The following HECW2 variants were observed in gnomAD, a reference collection of about 807,000 sequenced individuals.
The protein encoded by HECW2 is HECT, C2 and WW domain containing E3 ubiquitin protein ligase 2.
Under a neutral mutation model 175.2 loss-of-function variants are expected in HECW2, and 61 were observed. The observed-to-expected ratio is 0.35, with a 90% CI of 0.28 to 0.43. The LOEUF (loss-of-function observed/expected upper bound fraction) is 0.43. HECW2 is among the 20% of genes least tolerant of loss of function. The pLI, the probability that HECW2 is intolerant of heterozygous loss-of-function variation, is 1.00. For missense variants in HECW2, 1,524 were observed against 2,000.5 expected (o/e 0.76, Z 4.54); for synonymous variants, 671 against 731.0 (o/e 0.92, Z 1.32).
At chr2:196,279,234 G>A (rs1205633426) in intron 14 of HECW2, among the ~76,000 whole-genome samples, 1 of 152,112 alleles carries the variant, frequency 6.6e-6, no homozygotes, top group Non-Finnish European at 1.5e-5. Flanking sequence ...GTATTTAGTA[G>A]AGACGGGGTT....
In HECW2 at chr2:196,374,869, A is replaced by C. The variant is rs1379988156; in HGVS notation, c.293-31105T>G. 2.6e-5 allele frequency among the ~76,000 whole-genome samples: 4 copies of C among 151,994 alleles called. No individual in the cohort carries two copies. The East Asian group carries it at 7.7e-4, about 29-fold the overall frequency. Reference sequence around the variant, plus strand: ...AAAAAAGAAGCAAAGACGGCACATGAAAACTAGTTTTGGCCGGGCGCAGTG... The same window carrying C: ...AAAAAAGAAGCAAAGACGGCACATGCAAACTAGTTTTGGCCGGGCGCAGTG... On this transcript the variant is annotated intron_variant, in intron 2 of 28. Coordinates refer to ENST00000644978, the MANE Select transcript of HECW2 (RefSeq NM_001348768.2).
intron 1 of HECW2, among the ~76,000 whole-genome samples, chr2:196,463,098 C>T (rs1165883486): frequency 2.6e-5 from 4 of 152,112 alleles, no homozygotes; most frequent in African/African-American, 7.2e-5. Context: ...TCCAATAACC[C>T]AGTGCTTTCT....
At chr2:196,388,888 C>T (rs893941475) in intron 2 of HECW2, among the ~76,000 whole-genome samples, 19 of 152,130 alleles carry the variant, frequency 1.2e-4, no homozygotes, top group Admixed American at 1.1e-3. Flanking sequence ...TTTGCTGTTA[C>T]ATAAATTAAC....
chr2:196,435,400 C>T (rs1038624412), intron 1 of HECW2, among the ~76,000 whole-genome samples: 5 of 152,202 alleles, frequency 3.3e-5, no homozygotes, highest in African/African-American at 1.2e-4. Context: ...CTCAGTGAGT[C>T]ATGCAGCACA....
At chr2:196,231,104 A>AG (rs1688040054) in intron 21 of HECW2, among the ~76,000 whole-genome samples, 1 of 150,742 alleles carries the variant, frequency 6.6e-6, no homozygotes, top group East Asian at 2.0e-4. Flanking sequence ...AAAAAAAAAA[A>AG]AAAAAAAAAA....
At chr2:196,407,053 T>C (rs1264989912) in intron 2 of HECW2, among the ~76,000 whole-genome samples, 1 of 152,208 alleles carries the variant, frequency 6.6e-6, no homozygotes, top group African/African-American at 2.4e-5. Context: ...TAGAAGTATG[T>C]CTAGCGCCAA....
intron 1 of HECW2, among the ~76,000 whole-genome samples, chr2:196,524,991 G>A (rs1160378890): frequency 7.1e-6 from 1 of 140,766 alleles, no homozygotes; most frequent in African/African-American, 3.0e-5. Flanking sequence ...TGTCTATTAG[G>A]TCCGCTTGGT....
Position 196,274,014 on chromosome 2 carries a change from G to A in HECW2, c.3238+7C>T, listed in dbSNP as rs747506052. ...GGACAGATGATTTCTGGAAAGGGATGACATACCCACTGGAACCATGTCCTG... is the reference window on the plus strand; with the variant it reads ...GGACAGATGATTTCTGGAAAGGGATAACATACCCACTGGAACCATGTCCTG... On this transcript the variant is annotated splice_region_variant and intron_variant, in intron 16 of 28. Transcript: ENST00000644978. 1.9e-6 allele frequency: 3 copies of A among 1,583,866 alleles called. No homozygotes were observed. The highest frequency in any genetic ancestry group is 1.7e-6 in the Non-Finnish European group (2 of 1,152,414).
chr2:196,565,114 A>G (rs1690136571), intron 1 of HECW2, among the ~76,000 whole-genome samples: 1 of 152,146 alleles, frequency 6.6e-6, no homozygotes, highest in South Asian at 2.1e-4. Flanking sequence ...ATGAAGTCCA[A>G]CTTAACTAAT....
chr2:196,448,972 A>T (rs1367348119), intron 1 of HECW2, among the ~76,000 whole-genome samples: 1 of 152,174 alleles, frequency 6.6e-6, no homozygotes, highest in Non-Finnish European at 1.5e-5. Flanking sequence ...GTCAAAGTAA[A>T]TCAAGCATGT....
intron 21 of HECW2, 65 bp downstream of exon 21, chr2:196,240,384 G>T (rs73054363): frequency 1.7e-6 from 2 of 1,157,628 alleles, no homozygotes; most frequent in Non-Finnish European, 1.2e-6. Flanking sequence ...CCACAGCGAC[G>T]TGGAGAAACA....
At chr2:196,591,198 G>C (rs909832693) in intron 1 of HECW2, among the ~76,000 whole-genome samples, 7 of 152,208 alleles carry the variant, frequency 4.6e-5, no homozygotes, top group Non-Finnish European at 1.0e-4. Flanking sequence ...AGAGGCGATG[G>C]TGAAGCGAAT....
At chr2:196,334,321 T>A (rs571011400) in intron 4 of HECW2, 103 bp downstream of exon 4, 1 of 850,994 alleles carries the variant, frequency 1.2e-6, no homozygotes, top group Admixed American at 2.5e-5. Flanking sequence ...ATGTGTTTCC[T>A]TTTTCATTGT....
chr2:196,548,954 C>T (rs960267962), intron 1 of HECW2, among the ~76,000 whole-genome samples: 7 of 152,142 alleles, frequency 4.6e-5, no homozygotes, highest in African/African-American at 1.7e-4. Context: ...CTCCTTTTAG[C>T]TTAATTACCT....
chr2:196,356,950 A>G (rs1019070268), intron 2 of HECW2, among the ~76,000 whole-genome samples: 1 of 152,206 alleles, frequency 6.6e-6, no homozygotes, highest in African/African-American at 2.4e-5. Flanking sequence ...GTATGCACAG[A>G]GTGAACCCAG....
At chr2:196,257,369 G>A (rs987233432) in intron 18 of HECW2, among the ~76,000 whole-genome samples, 4 of 152,152 alleles carry the variant, frequency 2.6e-5, no homozygotes, top group Non-Finnish European at 5.9e-5. Context: ...TTTCTGATCT[G>A]ATTTCCCAAA....
At chr2:196,370,493 G>A (rs1381545665) in intron 2 of HECW2, among the ~76,000 whole-genome samples, 1 of 152,152 alleles carries the variant, frequency 6.6e-6, no homozygotes, top group Non-Finnish European at 1.5e-5. Context: ...GGGGGTGGGA[G>A]AGGGATGGCA....
chr2:196,503,241 A>G (rs1286346371), intron 1 of HECW2, among the ~76,000 whole-genome samples: 1 of 152,098 alleles, frequency 6.6e-6, no homozygotes, highest in African/African-American at 2.4e-5. Context: ...ACCCCAAGAA[A>G]CAGGCTTGGG....
chr2:196,335,508 A>G (rs1692519497), intron 3 of HECW2, among the ~76,000 whole-genome samples: 1 of 152,200 alleles, frequency 6.6e-6, no homozygotes, highest in Non-Finnish European at 1.5e-5. Context: ...AGGACTATTA[A>G]AGTGGGGCTG....
Sources: allele counts gnomAD v4.1 joint callset (sites outside exome capture counted in the v4.1 genomes callset), GRCh38; gene constraint gnomAD v4.1.1; transcripts MANE v1.5; gene names NCBI Gene and HGNC (gene_info 2026-07-23, HGNC 2026-07-21).